Variants in RAP1GAP2 observed in about 807,000 individuals in gnomAD.
RAP1GAP2 encodes RAP1 GTPase activating protein 2, also known as rap1 GTPase-activating protein 2.
Under a neutral mutation model 95.0 loss-of-function variants are expected in RAP1GAP2, and 27 were observed. The ratio of observed to expected loss-of-function variants is 0.28; its 90% CI spans 0.21 to 0.39. The LOEUF is 0.39. Ranked by LOEUF, RAP1GAP2 falls within the 10% of genes least tolerant of loss-of-function variation. The pLI, the probability that RAP1GAP2 is intolerant of heterozygous loss-of-function variation, is 1.00. For synonymous variants in RAP1GAP2, 373 were observed against 380.9 expected, an observed-to-expected ratio of 0.98 and a Z score of 0.24; for missense variants, 771 against 970.0, an observed-to-expected ratio of 0.79 and a Z score of 2.72.
rs553870216 is a variant in RAP1GAP2 at position 2,997,053 on chromosome 17, G to A, written c.1045-1168G>A. On this transcript the variant is annotated intron_variant, in intron 13 of 24. Coordinates refer to ENST00000254695, the MANE Select transcript of RAP1GAP2 (RefSeq NM_015085.5). ...TGCAGTGGTGCGATCATAGCTCACC[G>A]CGGCCTTGAACTTCAGGACAGGGTT... is the stretch of plus-strand genomic sequence containing the variant. Among the ~76,000 whole-genome samples, 13 of 152,252 alleles carry A rather than the reference G, an allele frequency of 8.5e-5. No homozygotes were observed. The East Asian group carries it at 1.4e-3, about 16-fold the overall frequency.
intron 17 of RAP1GAP2, among the ~76,000 whole-genome samples, chr17:3,014,511 C>T (rs942830352): frequency 6.0e-5 from 9 of 150,152 alleles, no homozygotes; most frequent in South Asian, 2.1e-4. Context: ...GTGTTGTCAA[C>T]GCACAAGGGC....
chr17:2,970,855 C>A (rs1382033786), intron 8 of RAP1GAP2, among the ~76,000 whole-genome samples: 1 of 151,508 alleles, frequency 6.6e-6, no homozygotes, highest in African/African-American at 2.4e-5. Flanking sequence ...GCCTGGGCAA[C>A]ACAGGGTGAC....
At chr17:2,829,789 G>A (rs180783395) in intron 2 of RAP1GAP2, among the ~76,000 whole-genome samples, 5 of 151,498 alleles carry the variant, frequency 3.3e-5, no homozygotes, top group East Asian at 1.9e-4. Context: ...GTACCATGGT[G>A]GTTAAGAGCC....
At chr17:2,987,512 C>A (rs908996739) in intron 11 of RAP1GAP2, among the ~76,000 whole-genome samples, 1 of 152,072 alleles carries the variant, frequency 6.6e-6, no homozygotes, top group Non-Finnish European at 1.5e-5. Flanking sequence ...CAGGCAGGCA[C>A]CACCACGCCC....
chr17:3,027,098 C>T lies in RAP1GAP2; in HGVS notation c.2107+28C>T, dbSNP rs752239207. The T allele has an allele frequency of 1.2e-5, 19 of 1,555,104 alleles. No homozygotes were observed. Among genetic ancestry groups the T allele is most frequent in the Admixed American group, 3.8e-5 (2 of 52,748 alleles). ...CAGTGGCATCTGGTGGTGTGTGTGACGTCACCAGGAGGGCAGGCTGTGCCC... is the reference window on the plus strand; with the variant it reads ...CAGTGGCATCTGGTGGTGTGTGTGATGTCACCAGGAGGGCAGGCTGTGCCC... On this transcript the variant is annotated intron_variant, in intron 22 of 24. Coordinates refer to ENST00000254695, the MANE Select transcript of RAP1GAP2 (RefSeq NM_015085.5). The surrounding 1 kb of genome is among the most constrained non-coding windows in gnomAD (Gnocchi z 5.2).
intron 2 of RAP1GAP2, among the ~76,000 whole-genome samples, chr17:2,806,938 C>T (rs1002945702): frequency 2.0e-5 from 3 of 152,202 alleles, no homozygotes; most frequent in African/African-American, 7.2e-5. Flanking sequence ...CCTGCCTCGG[C>T]CTCCCGAAGT....
intron 3 of RAP1GAP2, among the ~76,000 whole-genome samples, chr17:2,932,400 T>A (rs1329048993): frequency 6.6e-6 from 1 of 151,836 alleles, no homozygotes; most frequent in Non-Finnish European, 1.5e-5. Context: ...GCATATCCCA[T>A]AACAAGTGTG....
At chr17:2,756,872 C>T (rs2071158220) in intron 1 of RAP1GAP2, among the ~76,000 whole-genome samples, 2 of 152,150 alleles carry the variant, frequency 1.3e-5, no homozygotes, top group Non-Finnish European at 2.9e-5. Flanking sequence ...GGTCACCCAA[C>T]AAGCGCATGG....
At chr17:3,024,376 C>A (rs560984114) in intron 19 of RAP1GAP2, among the ~76,000 whole-genome samples, 1 of 152,238 alleles carries the variant, frequency 6.6e-6, no homozygotes, top group South Asian at 2.1e-4. Context: ...TGGCTTTAAT[C>A]AAAAAGACAA....
chr17:2,882,850 G>A lies in RAP1GAP2; in HGVS notation c.81-22434G>A, dbSNP rs1288008482. Among the ~76,000 whole-genome samples the A allele has an allele frequency of 3.3e-5, 5 of 152,228 alleles. No homozygotes were observed. In the East Asian group the frequency reaches 5.8e-4, roughly 18 times the overall value. On this transcript the variant is annotated intron_variant, in intron 2 of 24. Coordinates refer to ENST00000254695, the MANE Select transcript of RAP1GAP2 (RefSeq NM_015085.5). ...GGGTGAGGGAAGTAGGGACTCAAAC[G>A]TGACTGATTCGTGTCATGTCCCCAG...
chr17:2,837,075 A>G (rs554202183), intron 2 of RAP1GAP2, among the ~76,000 whole-genome samples: 1 of 152,086 alleles, frequency 6.6e-6, no homozygotes, highest in East Asian at 1.9e-4. Flanking sequence ...ACAAGGTGAG[A>G]CCCTGTCACT....
intron 3 of RAP1GAP2, among the ~76,000 whole-genome samples, chr17:2,928,326 C>T (rs1485246977): frequency 6.6e-6 from 1 of 152,212 alleles, no homozygotes; most frequent in Non-Finnish European, 1.5e-5. Context: ...GATAATGACA[C>T]CTAATCCTGC....
At chr17:2,813,977 A>G (rs1310054296) in intron 2 of RAP1GAP2, among the ~76,000 whole-genome samples, 1 of 152,072 alleles carries the variant, frequency 6.6e-6, no homozygotes. Context: ...AAAAGAAAAA[A>G]GAAAAGAAAA....
chr17:2,835,989 C>A (rs1168601900), intron 2 of RAP1GAP2, among the ~76,000 whole-genome samples: 1 of 152,104 alleles, frequency 6.6e-6, no homozygotes, highest in Non-Finnish European at 1.5e-5. Flanking sequence ...GCGCAGACCG[C>A]CCCCAGCCAG....
chr17:2,761,035 A>G (rs893129003), intron 1 of RAP1GAP2, among the ~76,000 whole-genome samples: 2 of 150,850 alleles, frequency 1.3e-5, no homozygotes, highest in Admixed American at 1.3e-4. Flanking sequence ...GCACACTGCA[A>G]CCTCCGCCTC....
intron 3 of RAP1GAP2, among the ~76,000 whole-genome samples, chr17:2,919,907 G>T (rs966921256): frequency 5.9e-5 from 9 of 151,980 alleles, no homozygotes; most frequent in Non-Finnish European, 1.3e-4. Context: ...CGCCATGTTG[G>T]CCAGGCTGGT....
Position 2,904,269 on chromosome 17 carries a change from G to A in RAP1GAP2, c.81-1015G>A, listed in dbSNP as rs1257434700. On this transcript the variant is annotated intron_variant, in intron 2 of 24. Coordinates refer to ENST00000254695, the MANE Select transcript of RAP1GAP2 (RefSeq NM_015085.5). This position sits in a 1 kb window ranked among gnomAD's most constrained non-coding sequence, Gnocchi z 4.7. ...GCCCAGCTGGCCCTGTTGTGCAGCC[G>A]TGGCTCTGAAGGCTGATCCCATGCC... 1.3e-5 allele frequency among the ~76,000 whole-genome samples: 2 copies of A among 152,098 alleles called. No individual in the cohort carries two copies. Among genetic ancestry groups the A allele is most frequent in the Non-Finnish European group, 2.9e-5 (2 of 68,034 alleles).
intron 2 of RAP1GAP2, among the ~76,000 whole-genome samples, chr17:2,884,847 C>T (rs949126913): frequency 2.0e-5 from 3 of 152,096 alleles, no homozygotes; most frequent in South Asian, 2.1e-4. Flanking sequence ...TAATCATACG[C>T]GTCACAGCAA....
chr17:3,026,320 C>A (rs144541088), intron 20 of RAP1GAP2, 30 bp from the exon 21 acceptor site: 32 of 1,520,748 alleles, frequency 2.1e-5, no homozygotes, highest in Middle Eastern at 1.7e-4. Flanking sequence ...GCGTGTGACC[C>A]GGGCTGGCCT....
Sources: gnomAD v4.1 joint callset for allele counts (sites outside exome capture counted in the v4.1 genomes callset) on GRCh38, gnomAD v4.1.1 for gene constraint, Gnocchi (gnomAD v3.1) non-coding constraint, MANE v1.5 for transcripts, NCBI Gene and HGNC (gene_info 2026-07-23, HGNC 2026-07-21) for gene names.